The following DDX6 variants were observed in gnomAD, a reference collection of about 807,000 sequenced individuals.
DDX6 encodes the protein probable ATP-dependent RNA helicase DDX6.
Under a neutral mutation model 60.6 loss-of-function variants are expected in DDX6, and 7 were observed. The observed-to-expected ratio is 0.12, with a 90% CI of 0.07 to 0.22. DDX6 has a LOEUF of 0.22. Among genes scored for constraint, DDX6 ranks in the 10% least tolerant of loss-of-function variants. The probability of loss-of-function intolerance (pLI) is 1.00; values close to 1 mark genes in which losing one functional copy is unlikely to be tolerated. For synonymous variants in DDX6, 207 were observed against 201.0 expected, an observed-to-expected ratio of 1.03 and a Z score of -0.25; for missense variants, 270 against 589.9, an observed-to-expected ratio of 0.46 and a Z score of 5.62.
chr11:118,779,742 C>A lies in DDX6; in HGVS notation c.265-6G>T. The A allele has an allele frequency of 6.3e-7, 1 of 1,580,730 alleles. No homozygotes were observed. Among genetic ancestry groups the A allele is most frequent in the Admixed American group, 1.8e-5 (1 of 55,798 alleles). On this transcript the variant is annotated splice_region_variant and splice_polypyrimidine_tract_variant and intron_variant, in intron 3 of 13. Transcript: ENST00000534980. ...CCTTTTGTGGAGGTCACATCCTAGT[C>A]AAACAAAAAGGAACAATAAAAGAAT...
At chr11:118,785,850 C>T in intron 2 of DDX6, 1 of 461,672 alleles carries the variant, frequency 2.2e-6, no homozygotes, top group Non-Finnish European at 3.8e-6. Flanking sequence ...CATCTGACCT[C>T]AGGATGACTA....
intron 4 of DDX6, 57 bp downstream of exon 4, chr11:118,779,573 GAA>G (rs1861819747): frequency 8.5e-7 from 1 of 1,171,700 alleles, no homozygotes; most frequent in Non-Finnish European, 1.2e-6. Flanking sequence ...AGAGCAAAAA[GAA>G]AACTGTTTAA....
chr11:118,767,833 A>G (rs1352583484), intron 5 of DDX6: 3 of 155,436 alleles, frequency 1.9e-5, no homozygotes, highest in African/African-American at 7.3e-5. Context: ...GGGTTTCGCA[A>G]TGTTGGCCAG....
At position 118,776,295 on chromosome 11, in the gene DDX6, A is replaced by G. The variant is rs1234563114; in HGVS notation, c.369+3337T>C. The stretch of plus-strand genomic sequence containing the variant: ...AATTATCTCACTTAATCTTTACAAC[A>G]ACCCTATGGTATTATACTATTACCT... On this transcript the variant is annotated intron_variant, in intron 4 of 13. Transcript: ENST00000534980. Among the ~76,000 whole-genome samples, 4 of 152,176 alleles carry G rather than the reference A, an allele frequency of 2.6e-5. No homozygotes were observed. In the South Asian group the frequency reaches 8.3e-4, roughly 32 times the overall value.
rs1203269622 is a variant in DDX6 at position 118,748,833 on chromosome 11, T to C, written c.*3272A>G. On this transcript the variant is annotated 3_prime_UTR_variant, in exon 14 of 14. Coordinates refer to ENST00000534980, the MANE Select transcript of DDX6 (RefSeq NM_004397.6). ...TTATACTCAAGGCTTTGTGCTGAGT[T>C]GTCGTTTGAACCAAGCATGATGTTA... 2 of 151,908 alleles carry C rather than the reference T, an allele frequency of 1.3e-5. No homozygotes were observed. Among genetic ancestry groups the C allele is most frequent in the African/African-American group, 2.4e-5 (1 of 41,358 alleles). 9.4% of individuals were successfully genotyped at this position (151,908 alleles called of 1,614,324 possible). A position where few individuals can be genotyped will look rare whatever the true frequency, so the allele number is the denominator to read the frequency against.
At chr11:118,778,051 T>A (rs1428152822) in intron 4 of DDX6, among the ~76,000 whole-genome samples, 1 of 149,138 alleles carries the variant, frequency 6.7e-6, no homozygotes, top group African/African-American at 2.5e-5. Context: ...TTGAAAAAAA[T>A]GGTGAGTATA....
chr11:118,782,645 CTT>C (rs35854068), intron 2 of DDX6, among the ~76,000 whole-genome samples: 158 of 143,596 alleles, frequency 1.1e-3, no homozygotes, highest in African/African-American at 1.4e-3. Flanking sequence ...GTACTAAAGC[CTT>C]TTTTTTTTTT....
chr11:118,789,973 G>C (rs1862211222), intron 1 of DDX6: 1 of 152,154 alleles, frequency 6.6e-6, no homozygotes, highest in African/African-American at 2.4e-5. Context: ...AGACTAGTTG[G>C]GAGGAGCCCC....
At chr11:118,780,348 C>T (rs1861853879) in intron 3 of DDX6, among the ~76,000 whole-genome samples, 1 of 151,972 alleles carries the variant, frequency 6.6e-6, no homozygotes, top group Admixed American at 6.6e-5. Flanking sequence ...GATGGAGTCT[C>T]GCTCTGTCAC....
intron 4 of DDX6, among the ~76,000 whole-genome samples, chr11:118,775,460 T>C (rs2137509901): frequency 6.6e-6 from 1 of 152,262 alleles, no homozygotes; most frequent in South Asian, 2.1e-4. Flanking sequence ...GACTTGTAAC[T>C]CTGATTGATT....
At chr11:118,754,960 T>C in intron 12 of DDX6, 73 bp from the exon 13 acceptor site, 4 of 1,294,494 alleles carry the variant, frequency 3.1e-6, no homozygotes, top group South Asian at 1.5e-5. Context: ...AGTCAAGCAG[T>C]GGCAAAACCA....
chr11:118,769,675 G>A (rs74497638), intron 4 of DDX6, among the ~76,000 whole-genome samples: 131,328 of 152,142 alleles, frequency 0.86, 56,877 homozygotes, highest in East Asian at 1. Flanking sequence ...GAAAAAGCTT[G>A]ATCGTTGAAA....
chr11:118,784,898 C>T (rs187988084), intron 2 of DDX6, among the ~76,000 whole-genome samples: 4 of 152,228 alleles, frequency 2.6e-5, no homozygotes, highest in Non-Finnish European at 5.9e-5. Flanking sequence ...GGGCATGTGC[C>T]ACCACGCCCA....
At chr11:118,790,097 T>C (rs1350951780) in intron 1 of DDX6, 2 of 152,148 alleles carry the variant, frequency 1.3e-5, no homozygotes, top group African/African-American at 4.8e-5. Context: ...CAGCGCAGTT[T>C]TTCTAGCTTT....
rs1354067623 is a variant in DDX6 at position 118,751,055 on chromosome 11, ATATATATATATG to A, written c.*1038_*1049del. The stretch of plus-strand genomic sequence containing the variant: ...CCCAGCAACCTTCATCCAAAAAAAA[ATATATATATATG>A]TATATATATATATATATATGAACCC... On this transcript the variant is annotated 3_prime_UTR_variant, in exon 14 of 14. Transcript: ENST00000534980. The A allele has an allele frequency of 1.5e-5, 2 of 132,530 alleles. No homozygotes were observed. Among genetic ancestry groups the A allele is most frequent in the East Asian group, 4.1e-4 (2 of 4,912 alleles). 8.2% of individuals were successfully genotyped at this position (132,530 alleles called of 1,614,324 possible).
At chr11:118,781,726 G>A (rs560285841) in intron 2 of DDX6, among the ~76,000 whole-genome samples, 201 of 152,180 alleles carry the variant, frequency 1.3e-3, no homozygotes, top group African/African-American at 4.1e-3. Context: ...TCAGGAGTTC[G>A]AGACCAGCCT....
intron 11 of DDX6, among the ~76,000 whole-genome samples, chr11:118,756,025 C>CG (rs1436893725): frequency 7.5e-6 from 1 of 132,934 alleles, no homozygotes; most frequent in Non-Finnish European, 1.6e-5. Context: ...CTCCCCCCCC[C>CG]CCCCAAAAAA....
chr11:118,759,080 G>T, intron 8 of DDX6, 178 bp from the exon 9 acceptor site: 1 of 786,126 alleles, frequency 1.3e-6, no homozygotes, highest in Non-Finnish European at 1.9e-6. Context: ...GCCACCCTGA[G>T]ACAAAATCTT....
chr11:118,756,029 C>CCA (rs1491121650), intron 11 of DDX6, among the ~76,000 whole-genome samples: 50 of 95,030 alleles, frequency 5.3e-4, no homozygotes, highest in Admixed American at 1.6e-3. Flanking sequence ...CCCCCCCCCC[C>CCA]AAAAAAAAGA....
Sources: gnomAD v4.1 joint callset for allele counts (sites outside exome capture counted in the v4.1 genomes callset) on GRCh38, gnomAD v4.1.1 for gene constraint, MANE v1.5 for transcripts, NCBI Gene and HGNC (gene_info 2026-07-23, HGNC 2026-07-21) for gene names.